Variants in SEPTIN2 observed in about 807,000 individuals in gnomAD.
SEPTIN2 encodes the protein septin 2.
Under a neutral mutation model 46.5 loss-of-function variants are expected in SEPTIN2, and 34 were observed. The ratio of observed to expected loss-of-function variants is 0.73; its 90% CI spans 0.56 to 0.97. The LOEUF is 0.97. SEPTIN2 is among the 50% of genes least tolerant of loss of function. The pLI is 0.00. For synonymous variants in SEPTIN2, 175 were observed against 153.4 expected (o/e 1.14, Z -1.04); for missense variants, 347 against 448.4 (o/e 0.77, Z 2.04).
At chr2:241,333,129 TAAAAC>T (rs1016205965) in intron 3 of SEPTIN2, among the ~76,000 whole-genome samples, 2 of 152,254 alleles carry the variant, frequency 1.3e-5, no homozygotes, top group Non-Finnish European at 2.9e-5. Flanking sequence ...GGCTTTAAAA[TAAAAC>T]AGGTAGGGGG....
chr2:241,315,604 T>G (rs2076049183), upstream of SEPTIN2: 1 of 151,934 alleles, frequency 6.6e-6, no homozygotes, highest in Non-Finnish European at 1.5e-5. Context: ...AAAACCGAGC[T>G]CATAAGGTAG....
chr2:241,342,534 A>ATTTTTTTTTTTTTTTTTTTTTTTTTTTTT (rs548033372), intron 7 of SEPTIN2, among the ~76,000 whole-genome samples: 3 of 86,986 alleles, frequency 3.4e-5, no homozygotes, highest in African/African-American at 8.7e-5. Flanking sequence ...AGTTTTGTAA[A>ATTTTTTTTTTTTTTTTTTTTTTTTTTTTT]TTTTTTTTTT....
At chr2:241,347,150 G>A (rs2060321943) in intron 10 of SEPTIN2, among the ~76,000 whole-genome samples, 1 of 152,040 alleles carries the variant, frequency 6.6e-6, no homozygotes, top group Non-Finnish European at 1.5e-5. Flanking sequence ...CCAGCTACTA[G>A]GGGGAGGATT....
chr2:241,334,473 A>G (rs567680633), intron 3 of SEPTIN2, among the ~76,000 whole-genome samples: 3 of 152,230 alleles, frequency 2.0e-5, no homozygotes, highest in Admixed American at 6.5e-5. Context: ...GAAAGCTTAC[A>G]TGGATATGTG....
chr2:241,331,796 G>T (rs1264240861), intron 3 of SEPTIN2, among the ~76,000 whole-genome samples: 2 of 152,242 alleles, frequency 1.3e-5, no homozygotes, highest in African/African-American at 2.4e-5. Flanking sequence ...AGCAGAGTTG[G>T]AGGATTACAG....
At chr2:241,320,925 G>A (rs60209440) in intron 1 of SEPTIN2, among the ~76,000 whole-genome samples, 1 of 151,760 alleles carries the variant, frequency 6.6e-6, no homozygotes, top group African/African-American at 2.4e-5. Context: ...TTGCTTTCTA[G>A]AGATTGCTTA....
chr2:241,324,204 T>G lies in SEPTIN2; in HGVS notation c.-17-12T>G. ...TGCGTTTATGTGTGTCTGTGTGTTT[T>G]TTTTTTAACAGACGAAGCTTCACAA... On this transcript the variant is annotated splice_polypyrimidine_tract_variant and intron_variant, in intron 1 of 12. Transcript: ENST00000391971. 1 of 1,610,624 alleles carries G rather than the reference T, an allele frequency of 6.2e-7. No individual in the cohort carries two copies. Among genetic ancestry groups the G allele is most frequent in the Non-Finnish European group, 8.5e-7 (1 of 1,178,834 alleles).
chr2:241,330,823 G>A (rs2078869273), intron 3 of SEPTIN2, among the ~76,000 whole-genome samples: 1 of 152,190 alleles, frequency 6.6e-6, no homozygotes, highest in South Asian at 2.1e-4. Flanking sequence ...TTATCAAGGA[G>A]GAAGATGATG....
In SEPTIN2 at chr2:241,343,707, G is replaced by A. The variant is rs2081578439; in HGVS notation, c.697-45G>A. On this transcript the variant is annotated intron_variant, in intron 8 of 12. Coordinates refer to ENST00000391971, the MANE Select transcript of SEPTIN2 (RefSeq NM_004404.5). ...GTTCTCGTGTTGCCAGTGAACTCTG[G>A]GGTTCCCTGTGTGGAGCCTGTCTAC... is the stretch of plus-strand genomic sequence containing the variant. 4 of 1,609,704 alleles carry A rather than the reference G, an allele frequency of 2.5e-6. 1 individual carries two copies. In the Admixed American group the frequency reaches 5.0e-5, roughly 20 times the overall value.
chr2:241,343,238 C>G, intron 8 of SEPTIN2, 145 bp downstream of exon 8: 2 of 597,908 alleles, frequency 3.3e-6, no homozygotes, highest in Non-Finnish European at 6.0e-6. Context: ...GTGGCTCATG[C>G]CTATAATCCC....
At chr2:241,329,657 AAG>A (rs1349804711) in intron 3 of SEPTIN2, among the ~76,000 whole-genome samples, 2 of 152,178 alleles carry the variant, frequency 1.3e-5, no homozygotes, top group Non-Finnish European at 2.9e-5. Context: ...ACACCGAACA[AAG>A]AGGATCATTT....
At chr2:241,316,247 TG>T (rs1203721135) in intron 1 of SEPTIN2, 22 of 383,902 alleles carry the variant, frequency 5.7e-5, no homozygotes, top group African/African-American at 4.0e-4. Context: ...GGTGACCCCT[TG>T]TTGACCCTGC....
intron 9 of SEPTIN2, among the ~76,000 whole-genome samples, chr2:241,345,162 C>T (rs2081840311): frequency 6.6e-6 from 1 of 151,786 alleles, no homozygotes; most frequent in African/African-American, 2.4e-5. Context: ...TTAAACTATA[C>T]CTCTTTAATC....
chr2:241,316,325 T>G (rs1575093015), intron 1 of SEPTIN2: 1 of 443,666 alleles, frequency 2.3e-6, no homozygotes, highest in South Asian at 3.5e-5. Context: ...GGTCGGGAGG[T>G]TTGGTGCTTG....
chr2:241,344,332 G>A (rs1482578524), intron 9 of SEPTIN2, among the ~76,000 whole-genome samples: 1 of 152,162 alleles, frequency 6.6e-6, no homozygotes, highest in African/African-American at 2.4e-5. Context: ...TATGGCCCTG[G>A]TTAGCTTTTT....
At chr2:241,327,787 A>G (rs1273661346) in intron 3 of SEPTIN2, among the ~76,000 whole-genome samples, 1 of 152,214 alleles carries the variant, frequency 6.6e-6, no homozygotes, top group Non-Finnish European at 1.5e-5. Flanking sequence ...GTGGTGGCTC[A>G]TGCCTGTAAT....
At chr2:241,342,502 C>G (rs2081383134) in intron 7 of SEPTIN2, among the ~76,000 whole-genome samples, 1 of 147,292 alleles carries the variant, frequency 6.8e-6, no homozygotes, top group Admixed American at 6.8e-5. Context: ...CCTCAAAATT[C>G]AAGTATAAAT....
intron 8 of SEPTIN2, 72 bp from the exon 9 acceptor site, chr2:241,343,680 A>G: frequency 1.3e-6 from 2 of 1,559,750 alleles, no homozygotes; most frequent in Admixed American, 1.7e-5. Context: ...GTCTGTGCTA[A>G]TGTTCTCGTG....
intron 10 of SEPTIN2, among the ~76,000 whole-genome samples, chr2:241,347,210 C>A (rs774996357): frequency 6.6e-6 from 1 of 152,138 alleles, no homozygotes; most frequent in Non-Finnish European, 1.5e-5. Flanking sequence ...CGCACCACCA[C>A]GCTCCAGACT....
Sources: gnomAD v4.1 joint callset for allele counts (sites outside exome capture counted in the v4.1 genomes callset) on GRCh38, gnomAD v4.1.1 for gene constraint, MANE v1.5 for transcripts, NCBI Gene and HGNC (gene_info 2026-07-23, HGNC 2026-07-21) for gene names.